The following CNKSR3 variants were observed in gnomAD, a reference collection of about 807,000 sequenced individuals.
CNKSR3 encodes connector enhancer of kinase suppressor of ras 3.
In CNKSR3, 36 loss-of-function variants were observed where a neutral mutation model predicts 67.7. That is an observed-to-expected ratio of 0.53 (90% CI 0.41 to 0.70). The LOEUF (loss-of-function observed/expected upper bound fraction) is 0.70. Among genes scored for constraint, CNKSR3 ranks in the 30% least tolerant of loss-of-function variants. The pLI is 0.00. For synonymous variants in CNKSR3, 281 were observed against 271.4 expected (o/e 1.04, Z -0.35); for missense variants, 630 against 695.2 (o/e 0.91, Z 1.05).
At chr6:154,434,217 C>T (rs895773695) in intron 4 of CNKSR3, 1 of 152,150 alleles carries the variant, frequency 6.6e-6, no homozygotes, top group Non-Finnish European at 1.5e-5. Context: ...ATTGTCTTGT[C>T]TAAAAGCTGC....
chr6:154,509,738 C>A (rs368669365), intron 1 of CNKSR3, among the ~76,000 whole-genome samples: 2 of 152,200 alleles, frequency 1.3e-5, no homozygotes, highest in East Asian at 3.9e-4. Context: ...CGGGGCCAGG[C>A]AGGGAGAGCG....
At chr6:154,444,937 T>C (rs150962518) in intron 2 of CNKSR3, among the ~76,000 whole-genome samples, 128 of 152,210 alleles carry the variant, frequency 8.4e-4, no homozygotes, top group Middle Eastern at 6.8e-3. Context: ...GCTTTGGCTA[T>C]GTGGGCCAGA....
At chr6:154,436,793 G>A (rs1785480525) in intron 4 of CNKSR3, among the ~76,000 whole-genome samples, 1 of 152,130 alleles carries the variant, frequency 6.6e-6, no homozygotes, top group South Asian at 2.1e-4. Context: ...TTCCCACCTT[G>A]GGGTCCTTCA....
chr6:154,501,661 A>G (rs1786997787), intron 1 of CNKSR3, among the ~76,000 whole-genome samples: 1 of 151,986 alleles, frequency 6.6e-6, no homozygotes, highest in Non-Finnish European at 1.5e-5. Flanking sequence ...CTTTCTGATG[A>G]CGTCATCCAA....
At chr6:154,470,188 C>CTG (rs1786295519) in intron 1 of CNKSR3, among the ~76,000 whole-genome samples, 13 of 68,748 alleles carry the variant, frequency 1.9e-4, no homozygotes, top group Non-Finnish European at 3.4e-4. Flanking sequence ...ACTTTCTTTC[C>CTG]TTTTTTTTTT....
rs544953631 is a variant in CNKSR3 at position 154,480,636 on chromosome 6, C to T, written c.52+29427G>A. 6.0e-4 allele frequency among the ~76,000 whole-genome samples: 92 copies of T among 152,224 alleles called. 4 individuals carry two copies. In the South Asian group the frequency reaches 0.018, roughly 31 times the overall value. ...GAGCCTTTATTAACCATCATGTGAG[C>T]GTGTCCCTGGTTGCCCACTATCAAA... On this transcript the variant is annotated intron_variant, in intron 1 of 12. Coordinates refer to ENST00000607772, the MANE Select transcript of CNKSR3 (RefSeq NM_173515.4).
intron 1 of CNKSR3, among the ~76,000 whole-genome samples, chr6:154,490,852 T>A (rs1004763118): frequency 4.8e-5 from 7 of 146,126 alleles, no homozygotes; most frequent in Non-Finnish European, 9.0e-5. Context: ...TTTATTTAAA[T>A]TTTTTTTTTT....
chr6:154,416,780 C>G (rs1785032997), intron 9 of CNKSR3, among the ~76,000 whole-genome samples: 2 of 152,146 alleles, frequency 1.3e-5, no homozygotes, highest in Non-Finnish European at 2.9e-5. Context: ...AGTTTATATT[C>G]TGAAAATATC....
At chr6:154,424,839 T>G (rs1015740392) in intron 7 of CNKSR3, among the ~76,000 whole-genome samples, 4 of 152,216 alleles carry the variant, frequency 2.6e-5, no homozygotes, top group Non-Finnish European at 4.4e-5. Context: ...TGGTGTGATC[T>G]CAGCCCACTG....
At chr6:154,410,073 C>T (rs1363061062) in intron 12 of CNKSR3, among the ~76,000 whole-genome samples, 1 of 152,036 alleles carries the variant, frequency 6.6e-6, no homozygotes, top group African/African-American at 2.4e-5. Flanking sequence ...AAAAATTAGA[C>T]CATTAAAGTC....
rs35440103 is a variant in CNKSR3 at position 154,395,571 on chromosome 6, G to C, written c.*10783C>G. The C allele has an allele frequency of 7.2e-5, 11 of 152,000 alleles. No individual in the cohort carries two copies. The highest frequency in any genetic ancestry group is 2.4e-4 in the African/African-American group (10 of 41,404). 9.4% of individuals were successfully genotyped at this position (152,000 alleles called of 1,614,324 possible). On this transcript the variant is annotated 3_prime_UTR_variant, in exon 13 of 13. Transcript: ENST00000607772. ...TGAGCCCTATGTAGCAATATGCAAA[G>C]GACATTACTTGAAAACTCAACTTTC... is the stretch of plus-strand genomic sequence containing the variant.
At chr6:154,423,161 T>C (rs999305169) in intron 7 of CNKSR3, among the ~76,000 whole-genome samples, 178 bp from the exon 8 acceptor site, 1 of 152,250 alleles carries the variant, frequency 6.6e-6, no homozygotes, top group African/African-American at 2.4e-5. Flanking sequence ...AACACATGAA[T>C]CCTGTGTTAT....
At chr6:154,497,303 A>C (rs568459744) in intron 1 of CNKSR3, among the ~76,000 whole-genome samples, 5 of 152,100 alleles carry the variant, frequency 3.3e-5, no homozygotes, top group East Asian at 1.9e-4. Flanking sequence ...AGGCAGGAGG[A>C]TCTCTTGAGC....
chr6:154,438,554 T>C lies in CNKSR3; in HGVS notation c.507+2738A>G, dbSNP rs528656337. On this transcript the variant is annotated intron_variant, in intron 4 of 12. Coordinates refer to ENST00000607772, the MANE Select transcript of CNKSR3 (RefSeq NM_173515.4). Reference sequence around the variant, plus strand: ...ATTCCCATTCTGTAAATGAGAAAATTGAGGTTCAAAAATTATAAGTGACTC... The same window carrying C: ...ATTCCCATTCTGTAAATGAGAAAATCGAGGTTCAAAAATTATAAGTGACTC... Among the ~76,000 whole-genome samples the C allele has an allele frequency of 2.6e-3, 394 of 152,262 alleles. 2 individuals carry two copies. The highest frequency in any genetic ancestry group is 4.8e-3 in the Non-Finnish European group (325 of 68,022).
chr6:154,395,045 T>C lies in CNKSR3; in HGVS notation c.*11309A>G, dbSNP rs1447714035. 6.6e-6 allele frequency: 1 copy of C among 152,192 alleles called. No individual in the cohort carries two copies. Among genetic ancestry groups the C allele is most frequent in the East Asian group, 1.9e-4 (1 of 5,200 alleles). The allele number at this position is 152,192 out of a possible 1,614,324, so 9.4% of individuals were successfully genotyped here. ...TAAAGACCAGAGCAAGAGACCAAAA[T>C]GCAGGGAGTACAGGTGGAAAAGGTC... On this transcript the variant is annotated 3_prime_UTR_variant, in exon 13 of 13. Coordinates refer to ENST00000607772, the MANE Select transcript of CNKSR3 (RefSeq NM_173515.4).
In CNKSR3 at chr6:154,424,425, T is replaced by C. The variant is rs925710593; in HGVS notation, c.730-1442A>G. On this transcript the variant is annotated intron_variant, in intron 7 of 12. Coordinates refer to ENST00000607772, the MANE Select transcript of CNKSR3 (RefSeq NM_173515.4). ...TTTCAAATTCTAATCAAACATTATC[T>C]AGAATAGAGGATTTAATTTTCTAAC... is the stretch of plus-strand genomic sequence containing the variant. Among the ~76,000 whole-genome samples the C allele has an allele frequency of 2.5e-4, 38 of 152,154 alleles. 1 individual carries two copies. The highest frequency in any genetic ancestry group is 9.2e-4 in the African/African-American group (38 of 41,426).
At chr6:154,423,342 C>T (rs1562325577) in intron 7 of CNKSR3, among the ~76,000 whole-genome samples, 2 of 152,210 alleles carry the variant, frequency 1.3e-5, no homozygotes, top group Non-Finnish European at 2.9e-5. Flanking sequence ...CAGCTCACTG[C>T]AACCTCCACT....
intron 1 of CNKSR3, among the ~76,000 whole-genome samples, chr6:154,467,599 T>C (rs545076522): frequency 6.6e-6 from 1 of 152,342 alleles, no homozygotes; most frequent in East Asian, 1.9e-4. Context: ...ACAAGGCTTA[T>C]GCCTTGATGG....
chr6:154,437,329 T>C (rs4869823), intron 4 of CNKSR3, among the ~76,000 whole-genome samples: 107,216 of 151,618 alleles, frequency 0.71, 39,551 homozygotes, highest in African/African-American at 0.91. Context: ...TCAACTCATT[T>C]ATCAAGTTTG....
Sources: gnomAD v4.1 joint callset for allele counts (sites outside exome capture counted in the v4.1 genomes callset) on GRCh38, gnomAD v4.1.1 for gene constraint, MANE v1.5 for transcripts, NCBI Gene and HGNC (gene_info 2026-07-23, HGNC 2026-07-21) for gene names.